CTNNA3: variants seen among roughly 807,000 people sequenced by gnomAD.
CTNNA3 encodes catenin alpha 3, also known as catenin alpha-3.
CTNNA3 carries 76 observed loss-of-function variants against 95.7 expected under a neutral mutation model. That is an observed-to-expected ratio of 0.79 (90% confidence interval 0.66 to 0.96). The LOEUF (loss-of-function observed/expected upper bound fraction) is 0.96. Ranked by LOEUF, CTNNA3 falls within the 40% of genes least tolerant of loss-of-function variation. The pLI, the probability that CTNNA3 is intolerant of heterozygous loss-of-function variation, is 0.00. For synonymous variants in CTNNA3, 431 were observed against 374.4 expected (o/e 1.15, Z -1.74); for missense variants, 1,191 against 1,089.8 (o/e 1.09, Z -1.31).
chr10:67,425,916 T>A (rs1388146016), intron 5 of CTNNA3, among the ~76,000 whole-genome samples: 1 of 152,090 alleles, frequency 6.6e-6, no homozygotes, highest in East Asian at 1.9e-4. Context: ...CAGAGAGACA[T>A]CCTGTTTCTG....
intron 13 of CTNNA3, among the ~76,000 whole-genome samples, chr10:66,250,115 G>C (rs1564810816): frequency 6.6e-6 from 1 of 152,112 alleles, no homozygotes; most frequent in Admixed American, 6.5e-5. Flanking sequence ...GGAACTGGGA[G>C]GTCATTATGT....
At chr10:67,729,110 G>A (rs369038707) in intron 1 of CTNNA3, among the ~76,000 whole-genome samples, 2 of 152,096 alleles carry the variant, frequency 1.3e-5, no homozygotes, top group African/African-American at 4.8e-5. Context: ...GTTAAGAAGA[G>A]TTTTGAAGGG....
At chr10:67,599,976 G>A (rs543041846) in intron 3 of CTNNA3, among the ~76,000 whole-genome samples, 1 of 152,180 alleles carries the variant, frequency 6.6e-6, no homozygotes, top group African/African-American at 2.4e-5. Context: ...GACTATTGTG[G>A]CATTGGTGTA....
intron 14 of CTNNA3, among the ~76,000 whole-genome samples, chr10:66,071,804 C>G (rs1042411887): frequency 3.9e-5 from 6 of 152,124 alleles, no homozygotes; most frequent in African/African-American, 1.4e-4. Flanking sequence ...AACTGTCAAC[C>G]ATTACTTACA....
chr10:67,004,184 G>T (rs779315454), intron 7 of CTNNA3, among the ~76,000 whole-genome samples: 55 of 152,060 alleles, frequency 3.6e-4, no homozygotes, highest in Non-Finnish European at 6.0e-4. Flanking sequence ...AATTAACAGG[G>T]TCATTGAATT....
intron 9 of CTNNA3, among the ~76,000 whole-genome samples, chr10:66,651,463 C>T (rs1346334561): frequency 2.7e-5 from 4 of 149,876 alleles, no homozygotes; most frequent in African/African-American, 4.9e-5. Context: ...CCAAGTGCCG[C>T]ACTCCTCAGC....
At chr10:67,400,042 T>C (rs1431539442) in intron 5 of CTNNA3, among the ~76,000 whole-genome samples, 4 of 152,024 alleles carry the variant, frequency 2.6e-5, no homozygotes, top group Non-Finnish European at 5.9e-5. Context: ...TAGCATTAGG[T>C]ATATCTCCTA....
intron 11 of CTNNA3, among the ~76,000 whole-genome samples, chr10:66,389,343 T>C (rs893161622): frequency 6.6e-6 from 1 of 152,122 alleles, no homozygotes; most frequent in Non-Finnish European, 1.5e-5. Context: ...GATTGTCACA[T>C]AGTGAAGATT....
intron 7 of CTNNA3, among the ~76,000 whole-genome samples, chr10:67,011,445 A>G (rs996194770): frequency 6.6e-6 from 1 of 151,724 alleles, no homozygotes; most frequent in African/African-American, 2.4e-5. Flanking sequence ...ACAGAAATTT[A>G]CCCATAGAGT....
chr10:66,026,040 G>A (rs968348425), intron 15 of CTNNA3, among the ~76,000 whole-genome samples: 5 of 152,112 alleles, frequency 3.3e-5, no homozygotes, highest in African/African-American at 1.2e-4. Context: ...TCAGTCACCT[G>A]TTTTGAATTT....
intron 16 of CTNNA3, among the ~76,000 whole-genome samples, chr10:65,971,352 G>A (rs1472075523): frequency 6.9e-6 from 1 of 145,572 alleles, no homozygotes; most frequent in East Asian, 2.0e-4. Flanking sequence ...AAAATTCATA[G>A]GAAGAATCAA....
At chr10:67,234,042 G>C (rs946659638) in intron 5 of CTNNA3, among the ~76,000 whole-genome samples, 4 of 152,264 alleles carry the variant, frequency 2.6e-5, no homozygotes, top group Non-Finnish European at 5.9e-5. Flanking sequence ...ACCAAAAAGA[G>C]TCCAGGACCA....
intron 9 of CTNNA3, among the ~76,000 whole-genome samples, chr10:66,755,278 G>A (rs975526907): frequency 6.6e-5 from 10 of 152,012 alleles, no homozygotes; most frequent in Non-Finnish European, 1.0e-4. Context: ...TAGAAAGTAG[G>A]GCTTGAAAGT....
chr10:66,319,781 T>C (rs1056691006), intron 12 of CTNNA3, among the ~76,000 whole-genome samples: 22 of 152,054 alleles, frequency 1.4e-4, no homozygotes, highest in Non-Finnish European at 1.0e-4. Context: ...CAAACAAACA[T>C]AAAACACCAA....
rs143725018 is a variant in CTNNA3 at position 67,606,997 on chromosome 10, C to T, written c.152G>A (p.Arg51His). 5.6e-6 allele frequency: 9 copies of T among 1,614,046 alleles called. No individual in the cohort carries two copies. The highest frequency in any genetic ancestry group is 3.3e-5 in the South Asian group (3 of 91,072). Residue 51 changes from arginine (R) to histidine (H), a missense_variant, in exon 3 of 18, where the codon CGT becomes CAT. Coordinates refer to ENST00000433211, the MANE Select transcript of CTNNA3 (RefSeq NM_013266.4). The part of the protein sequence containing the change: ...PQNPSSRKKG[R>H]SKRASVLLAS... ...TAGAAGGACACTGGCTCTTTTCGAA[C>T]GTCCTTTTTTCCTGCTGGAAGGGTT...
chr10:66,695,868 C>G (rs191265053), intron 9 of CTNNA3, among the ~76,000 whole-genome samples: 3 of 136,636 alleles, frequency 2.2e-5, no homozygotes, highest in East Asian at 4.5e-4. Flanking sequence ...TGGTCCAAAA[C>G]TAATGGAGAC....
At chr10:66,300,183 C>T (rs1459673451) in intron 12 of CTNNA3, among the ~76,000 whole-genome samples, 3 of 152,060 alleles carry the variant, frequency 2.0e-5, no homozygotes, top group East Asian at 1.9e-4. Context: ...TGAGCCACCA[C>T]ACCTGGCCTA....
At chr10:67,014,026 G>A (rs1852501725) in intron 7 of CTNNA3, among the ~76,000 whole-genome samples, 2 of 151,904 alleles carry the variant, frequency 1.3e-5, no homozygotes, top group South Asian at 4.1e-4. Context: ...AAGTGATGAA[G>A]GACAGAGACA....
intron 11 of CTNNA3, among the ~76,000 whole-genome samples, chr10:66,493,179 G>A (rs1219844783): frequency 6.6e-6 from 1 of 152,080 alleles, no homozygotes; most frequent in Non-Finnish European, 1.5e-5. Flanking sequence ...AAAGATCAAT[G>A]GTGATACAAT....
Sources: gnomAD v4.1 joint callset for allele counts (sites outside exome capture counted in the v4.1 genomes callset) on GRCh38, gnomAD v4.1.1 for gene constraint, MANE v1.5 for transcripts, NCBI Gene and HGNC (gene_info 2026-07-23, HGNC 2026-07-21) for gene names.